The following SLC4A4 variants were observed in gnomAD, a reference collection of about 807,000 sequenced individuals.
SLC4A4 encodes solute carrier family 4 member 4.
Under a neutral mutation model 111.5 loss-of-function variants are expected in SLC4A4, and 27 were observed. That is an observed-to-expected ratio of 0.24 (90% CI 0.18 to 0.33). The LOEUF is 0.33. SLC4A4 is among the 10% of genes least tolerant of loss of function. The pLI is 1.00. For missense variants in SLC4A4, 909 were observed against 1,315.5 expected, an observed-to-expected ratio of 0.69 and a Z score of 4.78; for synonymous variants, 443 against 463.4, an observed-to-expected ratio of 0.96 and a Z score of 0.57.
intron 16 of SLC4A4, among the ~76,000 whole-genome samples, chr4:71,516,124 C>G (rs1732371847): frequency 1.0e-5 from 1 of 99,200 alleles, no homozygotes; most frequent in Admixed American, 1.7e-4. Context: ...GAGATGGAGT[C>G]TCGCTCTGTC....
At chr4:71,503,009 CTG>C (rs1731085404) in intron 16 of SLC4A4, among the ~76,000 whole-genome samples, 1 of 152,120 alleles carries the variant, frequency 6.6e-6, no homozygotes, top group South Asian at 2.1e-4. Flanking sequence ...TTTGGGTACT[CTG>C]TGATTAGGTG....
intron 1 of SLC4A4, among the ~76,000 whole-genome samples, chr4:71,192,178 G>A (rs940279269): frequency 1.3e-5 from 2 of 151,874 alleles, no homozygotes; most frequent in African/African-American, 2.4e-5. Context: ...TAAACTTGTG[G>A]GATATGGACT....
chr4:71,542,741 C>T (rs1315968085), intron 18 of SLC4A4, among the ~76,000 whole-genome samples: 1 of 152,074 alleles, frequency 6.6e-6, no homozygotes, highest in African/African-American at 2.4e-5. Flanking sequence ...TGAATTCACC[C>T]CTACTGTAGG....
chr4:71,204,144 GT>G (rs1433590296), intron 1 of SLC4A4, among the ~76,000 whole-genome samples: 1 of 152,160 alleles, frequency 6.6e-6, no homozygotes, highest in Non-Finnish European at 1.5e-5. Flanking sequence ...AAGAAAACAT[GT>G]CCTTATGCTA....
chr4:71,556,043 T>C lies in SLC4A4; in HGVS notation c.2763+835T>C, dbSNP rs1736454696. 2.0e-5 allele frequency among the ~76,000 whole-genome samples: 3 copies of C among 152,124 alleles called. No individual in the cohort carries two copies. In the South Asian group the frequency reaches 6.2e-4, roughly 31 times the overall value. On this transcript the variant is annotated intron_variant, in intron 21 of 25. Coordinates refer to ENST00000264485, the MANE Select transcript of SLC4A4 (RefSeq NM_001098484.3). ...TTTAATGGGAAAAGACTGCATGTCC[T>C]GTGAACATCATAAGAATTTATTTGA...
chr4:71,379,622 A>G (rs1424686293), intron 6 of SLC4A4, among the ~76,000 whole-genome samples: 4 of 151,970 alleles, frequency 2.6e-5, no homozygotes, highest in Admixed American at 6.6e-5. Context: ...TTCCTTCATC[A>G]TTGGCAAAGT....
chr4:71,505,053 C>T lies in SLC4A4; in HGVS notation c.2166+7361C>T, dbSNP rs576121938. The stretch of plus-strand genomic sequence containing the variant: ...GCTCCATCCATGTCCCTGCAAAGGA[C>T]ATGATCTTGTTCCATTTTATGGCTG... On this transcript the variant is annotated intron_variant, in intron 16 of 25. Transcript: ENST00000264485. 1.3e-4 allele frequency among the ~76,000 whole-genome samples: 20 copies of T among 152,300 alleles called. No individual in the cohort carries two copies. The South Asian group carries it at 2.1e-3, about 16-fold the overall frequency.
chr4:71,146,657 G>A (rs1578523186), intron 2 of SLC4A4, among the ~76,000 whole-genome samples: 2 of 152,058 alleles, frequency 1.3e-5, no homozygotes, highest in South Asian at 4.2e-4. Flanking sequence ...ATATATTTAG[G>A]ATAGTTAGTT....
chr4:71,196,085 G>A (rs1745986558), intron 1 of SLC4A4, among the ~76,000 whole-genome samples: 2 of 152,196 alleles, frequency 1.3e-5, no homozygotes, highest in African/African-American at 4.8e-5. Context: ...CTCTCTCCTT[G>A]AGTACTGTGT....
chr4:71,419,478 TGGGCGTAGGACCCTCCGA>T (rs1376031120), intron 7 of SLC4A4, among the ~76,000 whole-genome samples: 2 of 152,242 alleles, frequency 1.3e-5, no homozygotes, highest in Non-Finnish European at 2.9e-5. Flanking sequence ...CGAGACTCCG[TGGGCGTAGGACCCTCCGA>T]GCCAGGTGCG....
intron 2 of SLC4A4, among the ~76,000 whole-genome samples, chr4:71,101,622 C>G (rs991186141): frequency 7.9e-5 from 12 of 152,122 alleles, no homozygotes; most frequent in Non-Finnish European, 1.6e-4. Flanking sequence ...CCCTGACCCC[C>G]GAGCAGCCTA....
intron 18 of SLC4A4, among the ~76,000 whole-genome samples, chr4:71,536,462 A>ATATATATATATATATG (rs1172733161): frequency 1.9e-5 from 1 of 53,954 alleles, no homozygotes; most frequent in Non-Finnish European, 3.7e-5. Flanking sequence ...ATATACATAT[A>ATATATATATATATATG]TACATATATA....
chr4:71,098,509 A>G (rs1404643870), intron 2 of SLC4A4, among the ~76,000 whole-genome samples: 1 of 152,166 alleles, frequency 6.6e-6, no homozygotes, highest in Non-Finnish European at 1.5e-5. Context: ...GGCTATTCAG[A>G]TTCTTTTTTG....
chr4:71,081,904 C>T (rs1261689958), intron 1 of SLC4A4, among the ~76,000 whole-genome samples: 3 of 152,074 alleles, frequency 2.0e-5, no homozygotes, highest in Non-Finnish European at 4.4e-5. Context: ...GCTGTTAATT[C>T]ATACACACAG....
At chr4:71,097,287 G>T (rs1341604347) in intron 2 of SLC4A4, among the ~76,000 whole-genome samples, 1 of 152,126 alleles carries the variant, frequency 6.6e-6, no homozygotes, top group Non-Finnish European at 1.5e-5. Flanking sequence ...TGGTGTTTTT[G>T]TTCCTGGGTT....
chr4:71,083,997 GCTGTCT>G (rs1263315876), intron 1 of SLC4A4, among the ~76,000 whole-genome samples: 1 of 151,342 alleles, frequency 6.6e-6, no homozygotes, highest in Non-Finnish European at 1.5e-5. Flanking sequence ...CTTGGCTGGA[GCTGTCT>G]CTCTCTCTCT....
rs192687732 is a variant in SLC4A4 at position 71,521,328 on chromosome 4, A to T, written c.2167-10734A>T. 4.1e-4 allele frequency among the ~76,000 whole-genome samples: 62 copies of T among 152,112 alleles called. No homozygotes were observed. The East Asian group carries it at 0.011, about 28-fold the overall frequency. ...CTTACTGCAGCCTCAACCACCTGGG[A>T]TCAAGCGATCCTCTCTCCTGTCTTC... On this transcript the variant is annotated intron_variant, in intron 16 of 25. Coordinates refer to ENST00000264485, the MANE Select transcript of SLC4A4 (RefSeq NM_001098484.3).
At chr4:71,494,811 G>A (rs1296448603) in intron 15 of SLC4A4, among the ~76,000 whole-genome samples, 1 of 151,998 alleles carries the variant, frequency 6.6e-6, no homozygotes, top group Non-Finnish European at 1.5e-5. Flanking sequence ...TGTAGCAGTG[G>A]TCATAGGTAA....
At chr4:71,149,062 T>C (rs1182350034) in intron 2 of SLC4A4, among the ~76,000 whole-genome samples, 3 of 152,188 alleles carry the variant, frequency 2.0e-5, no homozygotes, top group Non-Finnish European at 4.4e-5. Context: ...TATTATTTTT[T>C]GACTTTTTAA....
Sources: gnomAD v4.1 joint callset for allele counts (sites outside exome capture counted in the v4.1 genomes callset) on GRCh38, gnomAD v4.1.1 for gene constraint, MANE v1.5 for transcripts, NCBI Gene and HGNC (gene_info 2026-07-23, HGNC 2026-07-21) for gene names.